The following RALYL variants were observed in gnomAD, a reference collection of about 807,000 sequenced individuals.
RALYL encodes RALY RNA binding protein like.
RALYL carries 29 observed loss-of-function variants against 35.1 expected under a neutral mutation model. That is an observed-to-expected ratio of 0.83 (90% CI 0.61 to 1.13). RALYL has a LOEUF of 1.13. Ranked by LOEUF, RALYL falls within the 50% of genes most tolerant of loss-of-function variation. The pLI, the probability that RALYL is intolerant of heterozygous loss-of-function variation, is 0.00. For missense variants in RALYL, 359 were observed against 360.4 expected (o/e 1.00, Z 0.03); for synonymous variants, 120 against 127.6 (o/e 0.94, Z 0.40).
intron 1 of RALYL, among the ~76,000 whole-genome samples, chr8:84,522,750 T>A (rs1403608896): frequency 1.3e-5 from 2 of 152,198 alleles, no homozygotes; most frequent in African/African-American, 4.8e-5. Context: ...ATTATAACTT[T>A]TAGTGTATGA....
intron 2 of RALYL, among the ~76,000 whole-genome samples, chr8:84,612,124 A>G (rs993071357): frequency 2.0e-5 from 3 of 151,998 alleles, no homozygotes; most frequent in Admixed American, 2.0e-4. Flanking sequence ...ATTGTTTGCT[A>G]TGTAGAAGAT....
At chr8:84,423,016 G>T (rs1215064509) in intron 1 of RALYL, among the ~76,000 whole-genome samples, 2 of 149,390 alleles carry the variant, frequency 1.3e-5, no homozygotes, top group African/African-American at 4.9e-5. Flanking sequence ...TGAAAAAAAT[G>T]TATATTCTGT....
chr8:84,816,938 A>G (rs1221367008), intron 4 of RALYL, among the ~76,000 whole-genome samples: 2 of 152,196 alleles, frequency 1.3e-5, no homozygotes, highest in African/African-American at 2.4e-5. Flanking sequence ...TTAAAATTAT[A>G]AAAAGAAATA....
At chr8:84,635,986 A>G (rs1247313232) in intron 2 of RALYL, among the ~76,000 whole-genome samples, 1 of 151,822 alleles carries the variant, frequency 6.6e-6, no homozygotes, top group Non-Finnish European at 1.5e-5. Flanking sequence ...TGAGACTGTC[A>G]GACACCAGTA....
chr8:84,771,633 C>T (rs1471235289), intron 2 of RALYL, among the ~76,000 whole-genome samples: 1 of 152,038 alleles, frequency 6.6e-6, no homozygotes. Context: ...TTTCCCACTA[C>T]TAATGAGGTT....
chr8:84,822,394 G>A (rs763584166), intron 4 of RALYL, among the ~76,000 whole-genome samples: 26 of 152,216 alleles, frequency 1.7e-4, no homozygotes, highest in East Asian at 3.9e-4. Flanking sequence ...CCAGGTTTTC[G>A]TTTGAAGCTC....
intron 2 of RALYL, among the ~76,000 whole-genome samples, chr8:84,641,590 G>T (rs1826338315): frequency 6.6e-6 from 1 of 151,614 alleles, no homozygotes; most frequent in African/African-American, 2.4e-5. Context: ...TTTACCAGTT[G>T]ATCTAGATTA....
At chr8:84,352,149 G>A (rs1851017966) in intron 1 of RALYL, among the ~76,000 whole-genome samples, 1 of 150,090 alleles carries the variant, frequency 6.7e-6, no homozygotes, top group South Asian at 2.1e-4. Context: ...ACTTTGTGGG[G>A]ATATTAAAGA....
intron 5 of RALYL, among the ~76,000 whole-genome samples, chr8:84,852,518 T>G (rs1836078067): frequency 6.6e-6 from 1 of 152,210 alleles, no homozygotes; most frequent in African/African-American, 2.4e-5. Context: ...TTTTTTCACT[T>G]GCTACGAATA....
intron 2 of RALYL, among the ~76,000 whole-genome samples, chr8:84,634,211 T>C (rs1301669876): frequency 1.3e-5 from 2 of 151,848 alleles, no homozygotes; most frequent in Non-Finnish European, 1.5e-5. Flanking sequence ...CGGATTTATG[T>C]GTTGACCCTA....
intron 3 of RALYL, among the ~76,000 whole-genome samples, chr8:84,788,450 T>C (rs1400321732): frequency 2.0e-5 from 3 of 152,198 alleles, no homozygotes; most frequent in Admixed American, 6.5e-5. Flanking sequence ...CAAAAAATGA[T>C]GTATTTTAAA....
intron 1 of RALYL, among the ~76,000 whole-genome samples, chr8:84,203,149 G>A (rs1254823485): frequency 6.6e-6 from 1 of 152,156 alleles, no homozygotes; most frequent in Admixed American, 6.5e-5. Context: ...TAAGGAGAGT[G>A]TTTGATAATG....
intron 2 of RALYL, among the ~76,000 whole-genome samples, chr8:84,769,891 G>A (rs2718965): frequency 0.23 from 34,839 of 151,966 alleles, 4,229 homozygotes; most frequent in Non-Finnish European, 0.25. Context: ...GAATAATGCT[G>A]TAATTTACAG....
intron 2 of RALYL, among the ~76,000 whole-genome samples, chr8:84,732,532 T>C (rs1274507062): frequency 1.3e-5 from 2 of 151,822 alleles, no homozygotes; most frequent in Non-Finnish European, 2.9e-5. Context: ...AACTAATGTT[T>C]TTTGAGGGAG....
At chr8:84,705,411 A>G (rs968714645) in intron 2 of RALYL, among the ~76,000 whole-genome samples, 5 of 152,146 alleles carry the variant, frequency 3.3e-5, no homozygotes, top group African/African-American at 1.2e-4. Flanking sequence ...TGCACCTTCT[A>G]TGTAAAGTTC....
At chr8:84,440,089 G>C (rs1341771100) in intron 1 of RALYL, among the ~76,000 whole-genome samples, 1 of 151,994 alleles carries the variant, frequency 6.6e-6, no homozygotes, top group Admixed American at 6.6e-5. Flanking sequence ...CAGAATGTTG[G>C]AGCTTACTGC....
intron 1 of RALYL, among the ~76,000 whole-genome samples, chr8:84,192,643 C>T (rs951184096): frequency 5.9e-5 from 9 of 151,908 alleles, no homozygotes; most frequent in African/African-American, 2.2e-4. Flanking sequence ...CTGCAACCTC[C>T]GCTTACCATG....
intron 2 of RALYL, among the ~76,000 whole-genome samples, chr8:84,570,643 TTCTTGTGCCAG>T (rs1029027783): frequency 3.3e-5 from 5 of 151,872 alleles, no homozygotes; most frequent in Admixed American, 2.0e-4. Context: ...AGTGTGCCAG[TTCTTGTGCCAG>T]TCTTGTGCCA....
At chr8:84,343,940 T>A (rs1168545317) in intron 1 of RALYL, among the ~76,000 whole-genome samples, 4 of 151,926 alleles carry the variant, frequency 2.6e-5, no homozygotes, top group Admixed American at 6.6e-5. Context: ...TATAAAAGTT[T>A]AAAGATAACT....
Sources: allele counts gnomAD v4.1 joint callset (sites outside exome capture counted in the v4.1 genomes callset), GRCh38; gene constraint gnomAD v4.1.1; transcripts MANE v1.5; gene names NCBI Gene and HGNC (gene_info 2026-07-23, HGNC 2026-07-21).